The following OBSL1 variants were observed in gnomAD, a reference collection of about 807,000 sequenced individuals.
OBSL1 encodes obscurin-like protein 1.
In OBSL1, 160 loss-of-function variants were observed where a neutral mutation model predicts 172.0. The ratio of observed to expected loss-of-function variants is 0.93; its 90% confidence interval spans 0.82 to 1.06. The LOEUF is 1.06. Among genes scored for constraint, OBSL1 ranks in the 50% least tolerant of loss-of-function variants. The pLI is 0.00. For missense variants in OBSL1, 2,681 were observed against 2,715.4 expected, an observed-to-expected ratio of 0.99 and a Z score of 0.28; for synonymous variants, 1,200 against 1,196.3, an observed-to-expected ratio of 1.00 and a Z score of -0.06.
Position 219,565,272 on chromosome 2 carries a change from C to T in OBSL1, c.2377G>A (p.Val793Ile). ...ACAGTGACGCCGAAGAAGGCCGAGACCCCTTCTGTCCTGCACTCAAACTCG... is the reference window on the plus strand; with the variant it reads ...ACAGTGACGCCGAAGAAGGCCGAGATCCCTTCTGTCCTGCACTCAAACTCG... Reference protein sequence around the residue: ...SGEFECRTEGVSAFFGVTVQD... With the variant: ...SGEFECRTEGISAFFGVTVQD... Residue 793 changes from valine to isoleucine, a missense_variant, in exon 6 of 21, where the codon GTC becomes ATC. Val to Ile is a conservative substitution (Grantham distance 29, BLOSUM62 3). Transcript: ENST00000404537. 1 of 1,612,636 alleles carries T rather than the reference C, an allele frequency of 6.2e-7. No homozygotes were observed.
intron 1 of OBSL1, 101 bp downstream of exon 1, chr2:219,570,120 C>T: frequency 1.9e-6 from 2 of 1,076,188 alleles, no homozygotes; most frequent in African/African-American, 1.6e-5. Context: ...ACCACCTCTC[C>T]TCCAGTCTTG....
In OBSL1 at chr2:219,567,394, G is replaced by A. The variant is rs761374784; in HGVS notation, c.1716C>T (p.Ala572=). 1.9e-5 allele frequency: 31 copies of A among 1,612,768 alleles called. No homozygotes were observed. The highest frequency in any genetic ancestry group is 1.6e-4 in the Middle Eastern group (1 of 6,082). Reference sequence around the variant, plus strand: ...AGTCGCCCGGCACCTCCACGGCTCCGGCTTTCTCGATGCTGAAGCACTGAA... The same window carrying A: ...AGTCGCCCGGCACCTCCACGGCTCCAGCTTTCTCGATGCTGAAGCACTGAA... The part of the protein sequence containing the change: ...DWIQCFSIEK[A]GAVEVPGDCV... Residue 572 remains alanine (A), a synonymous_variant, in exon 4 of 21, where the codon GCC becomes GCT. Transcript: ENST00000404537.
rs1696317367 is a variant in OBSL1, at chr2:219,559,672, T to TA, written c.2954-176dup. 9.8e-6 allele frequency: 6 copies of TA among 610,486 alleles called. No individual in the cohort carries two copies. In the South Asian group the frequency reaches 1.5e-4, roughly 15 times the overall value. 37.8% of individuals were successfully genotyped at this position (610,486 alleles called of 1,614,324 possible). On this transcript the variant is annotated intron_variant, in intron 8 of 20. Transcript: ENST00000404537. ...TGAAATCCCTGGGGCCAGAGGGTGT[T>TA]ACAGAATCCAGAATGCTTTGGATTC...
Position 219,551,759 on chromosome 2 carries a change from T to C in OBSL1, c.5453A>G (p.Lys1818Arg), listed in dbSNP as rs772337823. 3 of 1,596,396 alleles carry C rather than the reference T, an allele frequency of 1.9e-6. No homozygotes were observed. Among genetic ancestry groups the C allele is most frequent in the African/African-American group, 1.3e-5 (1 of 74,682 alleles). The change falls in exon 20 of 21, where the codon AAG (lysine) becomes AGG (arginine). Residue 1818 changes from lysine (K) to arginine (R), a missense_variant. Coordinates refer to ENST00000404537, the MANE Select transcript of OBSL1 (RefSeq NM_015311.3). ...CGCCCGGCGGCCCACCAGAACGGTC[T>C]TCTCGCGAGGGGGGTGGCGGCACAT... ...LQMCRHPPRE[K>R]TVLVGRRAVL... is the part of the protein sequence containing the mutation.
At chr2:219,549,952 C>G (rs994345861), downstream of OBSL1, 8 of 1,504,098 alleles carry the variant, frequency 5.3e-6, no homozygotes, top group Non-Finnish European at 7.2e-6. Context: ...CTGTCCCTCT[C>G]CCCAGCCTGG....
At chr2:219,560,826 A>G (rs1231266609) in intron 8 of OBSL1, among the ~76,000 whole-genome samples, 1 of 152,146 alleles carries the variant, frequency 6.6e-6, no homozygotes, top group Admixed American at 6.5e-5. Context: ...CTGCCTGAGG[A>G]GTGGGGAAGG....
chr2:219,553,119 G>A, intron 16 of OBSL1, 95 bp from the exon 17 acceptor site: 1 of 1,386,116 alleles, frequency 7.2e-7, no homozygotes, highest in Non-Finnish European at 9.3e-7. Flanking sequence ...GATGCCAAGC[G>A]GTCTCGAGGC....
At position 219,566,953 on chromosome 2, in the gene OBSL1, G is replaced by A. The variant is rs764398154; in HGVS notation, c.2011C>T (p.Arg671Cys). 1.7e-5 allele frequency: 28 copies of A among 1,613,654 alleles called. No individual in the cohort carries two copies. The highest frequency in any genetic ancestry group is 2.1e-5 in the Non-Finnish European group (25 of 1,179,890). Residue 671 changes from arginine (R) to cysteine (C), a missense_variant, in exon 5 of 21, where the codon CGT becomes TGT. By Grantham distance (180) the Arg-to-Cys change is radical. Around this residue, in one of 5 missense-constraint regions of OBSL1, gnomAD observed 1,765 missense variants for 1,748.3 expected, o/e 1.01. Coordinates refer to ENST00000404537, the MANE Select transcript of OBSL1 (RefSeq NM_015311.3). ...TGCTGCAGACCCTTCTGCTCTATAC[G>A]GTACCGCAGGGCCCCAGGTTCCACC... ...GQVEPGALRY[R>C]IEQKGLQHRL...
rs1199272907 is a variant in OBSL1, at chr2:219,552,159, C to T, written c.5366G>A (p.Arg1789His). The T allele has an allele frequency of 6.2e-7, 1 of 1,611,718 alleles. No homozygotes were observed. Among genetic ancestry groups the T allele is most frequent in the South Asian group, 1.1e-5 (1 of 90,726 alleles). Residue 1789 changes from arginine to histidine, a missense_variant, in exon 19 of 21, where the codon CGC (arginine) becomes CAC (histidine). Coordinates refer to ENST00000404537, the MANE Select transcript of OBSL1 (RefSeq NM_015311.3). ...ELRAEDAGEV[R>H]FQAGPAQSLA... ...GGACTGGGCGGGCCCCGCCTGGAAGCGGACTTCACCGGCGTCCTCGGCGCG... is the reference window on the plus strand; with the variant it reads ...GGACTGGGCGGGCCCCGCCTGGAAGTGGACTTCACCGGCGTCCTCGGCGCG...
In OBSL1 at chr2:219,570,601, G is replaced by C; in HGVS notation, c.632C>G (p.Ala211Gly). Residue 211 changes from alanine (A) to glycine (G), a missense_variant, in exon 1 of 21, where the codon GCC becomes GGC. Around this residue, in one of 5 missense-constraint regions of OBSL1, gnomAD observed 706 missense variants for 695.8 expected, o/e 1.01. Coordinates refer to ENST00000404537, the MANE Select transcript of OBSL1 (RefSeq NM_015311.3). ...LPDSGVYVCH[A>G]RNAHGHAQAG... Reference sequence around the variant, plus strand: ...CTGCGCGTGGCCGTGCGCGTTGCGGGCGTGGCACACGTAGACGCCGGAATC... The same window carrying C: ...CTGCGCGTGGCCGTGCGCGTTGCGGCCGTGGCACACGTAGACGCCGGAATC... 2 of 1,516,778 alleles carry C rather than the reference G, an allele frequency of 1.3e-6. No individual in the cohort carries two copies. The highest frequency in any genetic ancestry group is 1.4e-5 in the African/African-American group (1 of 69,472). 94.0% of individuals were successfully genotyped at this position (1,516,778 alleles called of 1,614,324 possible).
chr2:219,571,275 G>GT lies in OBSL1; in HGVS notation c.-44_-43insA. On this transcript the variant is annotated 5_prime_UTR_variant, in exon 1 of 21. Transcript: ENST00000404537. ...TGCAGCGGCGAACGGTGGGGGGGCA[G>GT]GGGGGGGTGCGGAGGGCGAGCCGAG... 1 of 788,988 alleles carries GT rather than the reference G, an allele frequency of 1.3e-6. No homozygotes were observed. The allele number at this position is 788,988 out of a possible 1,614,324, so 48.9% of individuals were successfully genotyped here. A position where few individuals can be genotyped will look rare whatever the true frequency, so the allele number is the denominator to read the frequency against.
rs1308253485 is a variant in OBSL1 at position 219,563,101 on chromosome 2, A to G, written c.2680+254T>C. The G allele has an allele frequency of 2.5e-5, 13 of 516,466 alleles. 1 individual carries two copies. Among genetic ancestry groups the G allele is most frequent in the Middle Eastern group, 4.9e-4 (1 of 2,022 alleles). 32.0% of individuals were successfully genotyped at this position (516,466 alleles called of 1,614,324 possible). ...CCTGCAATAGACTCACTGTCCCCAG[A>G]GATTTCCCTTGGTACAGGTTTTCAG... On this transcript the variant is annotated intron_variant, in intron 7 of 20. Transcript: ENST00000404537.
chr2:219,552,491 G>C lies in OBSL1; in HGVS notation c.5308+45C>G, dbSNP rs1431915090. 3 of 1,551,436 alleles carry C rather than the reference G, an allele frequency of 1.9e-6. No individual in the cohort carries two copies. In the African/African-American group the frequency reaches 4.1e-5, roughly 21 times the overall value. ...GGTGGGGCGGGATCTGTTCGAGCCT[G>C]GGCGGGGCAGCGAGGGGCCCGAAAG... On this transcript the variant is annotated intron_variant, in intron 18 of 20. Coordinates refer to ENST00000404537, the MANE Select transcript of OBSL1 (RefSeq NM_015311.3).
chr2:219,554,241 A>C, intron 15 of OBSL1: 1 of 587,716 alleles, frequency 1.7e-6, no homozygotes, highest in Non-Finnish European at 3.0e-6. Flanking sequence ...TTGGTAGCAG[A>C]GTCAGTGGTT....
At chr2:219,547,348 T>C (rs1376799940), downstream of OBSL1, 3 of 559,838 alleles carry the variant, frequency 5.4e-6, no homozygotes, top group South Asian at 5.8e-5. Context: ...AATGGCCCCA[T>C]CACTGATGCC....
At position 219,571,388 on chromosome 2, in the gene OBSL1, C is replaced by G. The variant is rs987467443; in HGVS notation, c.-156G>C. Reference sequence around the variant, plus strand: ...CGGGCCTCCCGCTCCCGGCTCGCCTCCTTACCCTCGGCCCCGAGCTGCAGC... The same window carrying G: ...CGGGCCTCCCGCTCCCGGCTCGCCTGCTTACCCTCGGCCCCGAGCTGCAGC... On this transcript the variant is annotated 5_prime_UTR_variant, in exon 1 of 21. Coordinates refer to ENST00000404537, the MANE Select transcript of OBSL1 (RefSeq NM_015311.3). 1.7e-5 allele frequency: 7 copies of G among 403,432 alleles called. No individual in the cohort carries two copies. The highest frequency in any genetic ancestry group is 2.9e-5 in the Non-Finnish European group (7 of 244,870). The allele number at this position is 403,432 out of a possible 1,614,324, so 25.0% of individuals were successfully genotyped here. A position where few individuals can be genotyped will look rare whatever the true frequency, so the allele number is the denominator to read the frequency against.
In OBSL1 at chr2:219,557,950, G is replaced by C; in HGVS notation, c.3663C>G (p.Leu1221=). ...RPVQEGEGLE[L]HAEGPRRVLC... ...GGACTCGGCGGGGGCCCTCGGCATG[G>C]AGCTCTAGGCCCTCGCCCTCCTGCA... is the stretch of plus-strand genomic sequence containing the variant. The change falls in exon 11 of 21, where the codon CTC becomes CTG. Residue 1221 remains leucine (L), a synonymous_variant. Coordinates refer to ENST00000404537, the MANE Select transcript of OBSL1 (RefSeq NM_015311.3). The C allele has an allele frequency of 3.1e-6, 5 of 1,607,264 alleles. No homozygotes were observed. Among genetic ancestry groups the C allele is most frequent in the Non-Finnish European group, 4.2e-6 (5 of 1,179,106 alleles).
At position 219,565,388 on chromosome 2, in the gene OBSL1, T is replaced by C. The variant is rs886055663; in HGVS notation, c.2261A>G (p.Gln754Arg). The change falls in exon 6 of 21, where the codon CAG (glutamine) becomes CGG (arginine). Residue 754 changes from glutamine (Q) to arginine (R), a missense_variant. Coordinates refer to ENST00000404537, the MANE Select transcript of OBSL1 (RefSeq NM_015311.3). ...CAGCAACTCGCTCTCCTCCACCTTC[T>C]GCCCATCCTTGTACCAGGTTGCCGG... Reference protein sequence around the residue: ...DFPATWYKDGQKVEESELLVV... With the variant: ...DFPATWYKDGRKVEESELLVV... The C allele has an allele frequency of 6.2e-7, 1 of 1,614,056 alleles. No homozygotes were observed. Among genetic ancestry groups the C allele is most frequent in the South Asian group, 1.1e-5 (1 of 91,086 alleles).
downstream of OBSL1, chr2:219,548,039 G>T (rs780687903): frequency 1.1e-5 from 18 of 1,584,906 alleles, no homozygotes; most frequent in Non-Finnish European, 1.5e-5. Flanking sequence ...GGGCGTTCTG[G>T]TGCAGTGGAG....
Sources: gnomAD v4.1 joint callset for allele counts (sites outside exome capture counted in the v4.1 genomes callset) on GRCh38, gnomAD v4.1.1 for gene constraint, gnomAD v4.1.1 regional missense constraint, MANE v1.5 for transcripts, NCBI Gene and HGNC (gene_info 2026-07-23, HGNC 2026-07-21) for gene names.